The following ABCA8 variants were observed in gnomAD, a reference collection of about 807,000 sequenced individuals.
The protein encoded by ABCA8 is ABC-type organic anion transporter ABCA8.
A neutral mutation model predicts 192.3 loss-of-function variants in ABCA8; 177 were observed. The ratio of observed to expected loss-of-function variants is 0.92; its 90% CI spans 0.81 to 1.04. The LOEUF (loss-of-function observed/expected upper bound fraction) is 1.04. Among genes scored for constraint, ABCA8 ranks in the 50% least tolerant of loss-of-function variants. The probability of loss-of-function intolerance (pLI) is 0.00; values close to 1 mark genes in which losing one functional copy is unlikely to be tolerated. For missense variants in ABCA8, 1,915 were observed against 1,904.8 expected (o/e 1.01, Z -0.10); for synonymous variants, 642 against 690.2 (o/e 0.93, Z 1.09).
chr17:68,922,239 T>TTTAA lies in ABCA8; in HGVS notation c.1501+2_1501+3insTTAA. 6 of 506,694 alleles carry TTTAA rather than the reference T, an allele frequency of 1.2e-5. No individual in the cohort carries two copies. Among genetic ancestry groups the TTTAA allele is most frequent in the Non-Finnish European group, 1.8e-5 (6 of 341,438 alleles). 31.4% of individuals were successfully genotyped at this position (506,694 alleles called of 1,614,324 possible). On this transcript the variant is annotated splice_region_variant and intron_variant, in intron 12 of 39. Transcript: ENST00000586539. ...TTTTTTTTTTTTTTTTTTTTTTTTT[T>TTTAA]ACCTTTCAAGGCTTCTATTTTATCA... is the stretch of plus-strand genomic sequence containing the variant.
chr17:68,918,355 A>G (rs1475099020), intron 15 of ABCA8, 72 bp downstream of exon 15: 1 of 1,521,526 alleles, frequency 6.6e-7, no homozygotes, highest in Non-Finnish European at 8.8e-7. Context: ...TTTGCGAATA[A>G]AATATTTGAA....
chr17:68,901,686 T>C (rs1281279732), intron 21 of ABCA8, among the ~76,000 whole-genome samples: 1 of 151,988 alleles, frequency 6.6e-6, no homozygotes. Flanking sequence ...CAAGCTCCTG[T>C]AGTCCCAGCT....
intron 21 of ABCA8, among the ~76,000 whole-genome samples, chr17:68,899,746 T>G (rs1330796575): frequency 6.6e-6 from 1 of 152,128 alleles, no homozygotes; most frequent in African/African-American, 2.4e-5. Flanking sequence ...GTTGAAATTT[T>G]ATAAACTATG....
In ABCA8 at chr17:68,918,449, A is replaced by G. The variant is rs1012463135; in HGVS notation, c.1886T>C (p.Ile629Thr). Residue 629 changes from isoleucine to threonine, a missense_variant, in exon 15 of 40, where the codon ATT becomes ACT. Coordinates refer to ENST00000586539, the MANE Select transcript of ABCA8 (RefSeq NM_001288985.2). Reference protein sequence around the residue: ...GGQKRKLTFGIAILGDPQIFL... With the variant: ...GGQKRKLTFGTAILGDPQIFL... ...CACCTGAGGATCTCCTAAAATGGCA[A>G]TCCCAAAGGTTAGCTTTCTTTTCTG... The G allele has an allele frequency of 2.5e-6, 4 of 1,573,592 alleles. No homozygotes were observed. The highest frequency in any genetic ancestry group is 2.7e-5 in the African/African-American group (2 of 74,208).
At chr17:68,879,633 AG>A (rs2066284778) in intron 32 of ABCA8, 1 of 152,356 alleles carries the variant, frequency 6.6e-6, no homozygotes, top group Non-Finnish European at 1.5e-5. Flanking sequence ...GGGGACTGGC[AG>A]GGGCCAGAAA....
chr17:68,945,000 A>G (rs2068358485), intron 2 of ABCA8: 2 of 152,238 alleles, frequency 1.3e-5, no homozygotes, highest in Admixed American at 1.3e-4. Context: ...AGGCTGGAGC[A>G]GGAAATCTAG....
chr17:68,943,400 T>G (rs2068290186), intron 2 of ABCA8, among the ~76,000 whole-genome samples: 1 of 152,154 alleles, frequency 6.6e-6, no homozygotes, highest in South Asian at 2.1e-4. Flanking sequence ...ATTGTAGCAA[T>G]TTGTACTATG....
At chr17:68,905,742 GTTC>G (rs1382394877) in intron 19 of ABCA8, among the ~76,000 whole-genome samples, 1 of 152,100 alleles carries the variant, frequency 6.6e-6, no homozygotes, top group Admixed American at 6.5e-5. Context: ...ATTGTTTGGG[GTTC>G]TTAAGTGTTT....
intron 38 of ABCA8, among the ~76,000 whole-genome samples, 172 bp from the exon 39 acceptor site, chr17:68,868,528 G>T (rs900286134): frequency 6.6e-6 from 1 of 152,130 alleles, no homozygotes; most frequent in East Asian, 1.9e-4. Flanking sequence ...ATTTACTTAG[G>T]TTTGGGAGAA....
intron 24 of ABCA8, among the ~76,000 whole-genome samples, chr17:68,887,803 G>A (rs1206123811): frequency 6.7e-6 from 1 of 148,536 alleles, no homozygotes; most frequent in Non-Finnish European, 1.5e-5. Flanking sequence ...GTGGGTAGGG[G>A]TGAATGGGAT....
chr17:68,888,918 A>T (rs569355636), intron 24 of ABCA8, among the ~76,000 whole-genome samples: 3 of 152,332 alleles, frequency 2.0e-5, no homozygotes, highest in South Asian at 4.1e-4. Context: ...CCAAAATTTA[A>T]ATATTACATA....
chr17:68,918,029 A>T lies in ABCA8; in HGVS notation c.2047+18T>A, dbSNP rs2067422494. ...CTTAAAGTCCTCCTCAGGATACTTA[A>T]CAGAAACCAGTGATTACCCGCCAGG... On this transcript the variant is annotated intron_variant, in intron 16 of 39. Coordinates refer to ENST00000586539, the MANE Select transcript of ABCA8 (RefSeq NM_001288985.2). 1 of 1,613,722 alleles carries T rather than the reference A, an allele frequency of 6.2e-7. No homozygotes were observed. Among genetic ancestry groups the T allele is most frequent in the African/African-American group, 1.3e-5 (1 of 74,922 alleles).
At chr17:68,884,846 G>C (rs1567827122) in intron 27 of ABCA8, 1 of 985,192 alleles carries the variant, frequency 1.0e-6, no homozygotes, top group South Asian at 4.7e-5. Context: ...GCTTATCTTG[G>C]GTGCTTCTTT....
chr17:68,949,675 A>T (rs1334558579), intron 1 of ABCA8, among the ~76,000 whole-genome samples: 2 of 152,260 alleles, frequency 1.3e-5, no homozygotes, highest in Non-Finnish European at 2.9e-5. Context: ...TCACATAAAC[A>T]GAACCAATGA....
intron 10 of ABCA8, among the ~76,000 whole-genome samples, chr17:68,927,448 AT>A (rs34253086): frequency 0.4 from 60,923 of 151,522 alleles, 13,572 homozygotes; most frequent in Non-Finnish European, 0.51. Context: ...TTCTGGGGAG[AT>A]TTTTTTTTAA....
Position 68,867,789 on chromosome 17 carries a change from AT to A in ABCA8, c.*295del, listed in dbSNP as rs143806400. ...AATTTAAACAAAATTTGTTTATCTT[AT>A]CTAGAAACTTATACGATCATGTAAA... On this transcript the variant is annotated 3_prime_UTR_variant, in exon 40 of 40. Transcript: ENST00000586539. 138 of 209,704 alleles carry A rather than the reference AT, an allele frequency of 6.6e-4. No individual in the cohort carries two copies. Among genetic ancestry groups the A allele is most frequent in the African/African-American group, 3.0e-3 (130 of 43,848 alleles). 13.0% of individuals were successfully genotyped at this position (209,704 alleles called of 1,614,324 possible).
In ABCA8 at chr17:68,941,985, C is replaced by T. The variant is rs2068243915; in HGVS notation, c.50G>A (p.Cys17Tyr). ...TCTCCATTTTTTAAGAAAGTTCTTG[C>T]ATAATAAGGCCCAAGTTTGTTGACA... The part of the protein sequence containing the change: ...SVCQQTWALL[C>Y]KNFLKKWRMK... The change falls in exon 3 of 40, where the codon TGC becomes TAC. Residue 17 changes from cysteine to tyrosine, a missense_variant. Cys to Tyr is a radical substitution (Grantham distance 194, BLOSUM62 -2). Transcript: ENST00000586539. 1.9e-6 allele frequency: 3 copies of T among 1,613,118 alleles called. No individual in the cohort carries two copies. Among genetic ancestry groups the T allele is most frequent in the Non-Finnish European group, 2.5e-6 (3 of 1,179,452 alleles).
chr17:68,895,081 A>G (rs1567837830), intron 21 of ABCA8, 68 bp from the exon 22 acceptor site: 1 of 1,375,902 alleles, frequency 7.3e-7, no homozygotes, highest in South Asian at 1.8e-5. Context: ...GTGTAGTCAA[A>G]TTACAGTTAA....
intron 24 of ABCA8, among the ~76,000 whole-genome samples, chr17:68,890,930 A>G (rs1181450052): frequency 6.6e-6 from 1 of 152,206 alleles, no homozygotes; most frequent in Non-Finnish European, 1.5e-5. Flanking sequence ...TCTGAAAAAT[A>G]TTGCCTATCA....
Sources: allele counts gnomAD v4.1 joint callset (sites outside exome capture counted in the v4.1 genomes callset), GRCh38; gene constraint gnomAD v4.1.1; transcripts MANE v1.5; gene names NCBI Gene and HGNC (gene_info 2026-07-23, HGNC 2026-07-21).